Variants in MTA3 observed in about 807,000 individuals in gnomAD.
MTA3 encodes the protein metastasis-associated protein MTA3.
Under a neutral mutation model 83.5 loss-of-function variants are expected in MTA3, and 34 were observed. The ratio of observed to expected loss-of-function variants is 0.41; its 90% confidence interval spans 0.31 to 0.54. MTA3 has a LOEUF of 0.54. Ranked by LOEUF, MTA3 falls within the 20% of genes least tolerant of loss-of-function variation. MTA3 has a pLI of 0.33. For synonymous variants in MTA3, 303 were observed against 252.7 expected (o/e 1.20, Z -1.89); for missense variants, 761 against 726.4 (o/e 1.05, Z -0.55).
chr2:42,515,211 A>G (rs1675088511), intron 2 of MTA3, among the ~76,000 whole-genome samples: 1 of 151,906 alleles, frequency 6.6e-6, no homozygotes, highest in African/African-American at 2.4e-5. Context: ...GGTGCCCACC[A>G]CCACACCTGG....
chr2:42,578,091 T>G (rs540869448), intron 2 of MTA3, among the ~76,000 whole-genome samples: 25 of 152,348 alleles, frequency 1.6e-4, no homozygotes, highest in African/African-American at 5.8e-4. Flanking sequence ...GCTGCTGGAC[T>G]TCATAAAATT....
At chr2:42,669,002 T>A (rs116171619) in intron 8 of MTA3, among the ~76,000 whole-genome samples, 2,203 of 152,180 alleles carry the variant, frequency 0.014, 57 homozygotes, top group African/African-American at 0.049. Flanking sequence ...TCATTCTGTT[T>A]GTTTGTGAGT....
chr2:42,683,164 C>G (rs1207056355), intron 9 of MTA3, among the ~76,000 whole-genome samples: 1 of 152,226 alleles, frequency 6.6e-6, no homozygotes, highest in Non-Finnish European at 1.5e-5. Context: ...CTATTTACTT[C>G]TCTCTGAGTT....
At chr2:42,589,554 T>C (rs529634155) in intron 3 of MTA3, among the ~76,000 whole-genome samples, 24 of 152,254 alleles carry the variant, frequency 1.6e-4, no homozygotes, top group African/African-American at 5.8e-4. Context: ...CACCTCTTTT[T>C]GGATTTTTGT....
intron 2 of MTA3, among the ~76,000 whole-genome samples, chr2:42,522,006 G>A (rs1315444388): frequency 6.6e-6 from 1 of 151,950 alleles, no homozygotes; most frequent in Non-Finnish European, 1.5e-5. Flanking sequence ...CACCTGCCTC[G>A]GCCTCCCAAA....
rs570360868 is a variant in MTA3, at chr2:42,609,017, CAAGAT to C, written c.191-438_191-434del. ...AATTTTATGGTTATAGTTGAACTGA[CAAGAT>C]AAATGTTTAATTTTTTTTTTTTTTT... On this transcript the variant is annotated intron_variant, in intron 3 of 16. Transcript: ENST00000405094. Among the ~76,000 whole-genome samples the C allele has an allele frequency of 1.6e-4, 23 of 148,268 alleles. No individual in the cohort carries two copies. The South Asian group carries it at 5.0e-3, about 32-fold the overall frequency.
intron 4 of MTA3, among the ~76,000 whole-genome samples, chr2:42,619,895 C>T (rs187150487): frequency 6.3e-4 from 96 of 152,160 alleles, no homozygotes; most frequent in Admixed American, 1.2e-3. Flanking sequence ...TGTTCTAGAA[C>T]GCTGTGCATT....
intron 2 of MTA3, among the ~76,000 whole-genome samples, chr2:42,515,447 T>C (rs956163872): frequency 2.6e-5 from 4 of 152,146 alleles, no homozygotes; most frequent in Non-Finnish European, 5.9e-5. Context: ...ACTTCCCGAG[T>C]AGCTGAGATT....
chr2:42,722,643 G>GT (rs796759407), intron 15 of MTA3, among the ~76,000 whole-genome samples: 33 of 151,940 alleles, frequency 2.2e-4, no homozygotes, highest in African/African-American at 8.0e-4. Flanking sequence ...TTTTTGTTTT[G>GT]TTTTTGCTTG....
chr2:42,743,827 C>G (rs1378606635), intron 16 of MTA3, among the ~76,000 whole-genome samples: 3 of 152,106 alleles, frequency 2.0e-5, no homozygotes, highest in African/African-American at 7.2e-5. Context: ...TGCATCTGCT[C>G]TCTTCACGAA....
chr2:42,507,686 C>T (rs1236366108), intron 2 of MTA3, among the ~76,000 whole-genome samples: 5 of 150,960 alleles, frequency 3.3e-5, no homozygotes, highest in African/African-American at 1.2e-4. Context: ...CCCAACACTT[C>T]GGGAGACTGA....
At chr2:42,737,910 A>G (rs543378367) in intron 16 of MTA3, among the ~76,000 whole-genome samples, 8 of 152,350 alleles carry the variant, frequency 5.3e-5, no homozygotes, top group South Asian at 4.1e-4. Context: ...CACCACTGCA[A>G]TAAAGCTAAT....
In MTA3 at chr2:42,644,258, C is replaced by T. The variant is rs147745945; in HGVS notation, c.499+14C>T. ...TGCTGTTAGAAGGTACGTTTTTCTG[C>T]GTGTTTGCAGTTTTGTGAAACAAAT... On this transcript the variant is annotated intron_variant, in intron 6 of 16. Transcript: ENST00000405094. The T allele has an allele frequency of 2.8e-4, 430 of 1,553,358 alleles. 1 individual carries two copies. The African/African-American group carries it at 3.9e-3, about 14-fold the overall frequency.
intron 4 of MTA3, among the ~76,000 whole-genome samples, chr2:42,611,159 T>G (rs1240723042): frequency 6.6e-6 from 1 of 151,610 alleles, no homozygotes; most frequent in East Asian, 1.9e-4. Flanking sequence ...TTTTTTGTAT[T>G]TTTTTAGTAG....
At chr2:42,628,598 A>G (rs946055788) in intron 4 of MTA3, among the ~76,000 whole-genome samples, 1 of 152,218 alleles carries the variant, frequency 6.6e-6, no homozygotes, top group African/African-American at 2.4e-5. Flanking sequence ...CTGTCATTTA[A>G]TTCATTATTC....
At chr2:42,659,235 A>C (rs1689452137) in intron 7 of MTA3, among the ~76,000 whole-genome samples, 2 of 152,248 alleles carry the variant, frequency 1.3e-5, no homozygotes, top group Admixed American at 1.3e-4. Context: ...AGGACTTCCA[A>C]ATCATTAAAA....
chr2:42,525,551 C>T (rs13012890), intron 2 of MTA3, among the ~76,000 whole-genome samples: 2 of 138,960 alleles, frequency 1.4e-5, no homozygotes, highest in African/African-American at 2.7e-5. Flanking sequence ...TTCATTCCTT[C>T]CCCTTACTTC....
In MTA3 at chr2:42,576,658, C is replaced by T. The variant is rs184131379; in HGVS notation, c.97-2449C>T. On this transcript the variant is annotated intron_variant, in intron 2 of 16. Transcript: ENST00000405094. ...GCTCACGCCTGTAATCCCAGGACTT[C>T]GGGAGGCCGAGGTGGGTGGATCACC... Among the ~76,000 whole-genome samples the T allele has an allele frequency of 1.1e-4, 17 of 152,118 alleles. No individual in the cohort carries two copies. In the East Asian group the frequency reaches 1.4e-3, roughly 12 times the overall value.
chr2:42,754,303 C>T lies in MTA3; in HGVS notation c.*904C>T. The T allele has an allele frequency of 3.0e-6, 3 of 985,480 alleles. No individual in the cohort carries two copies. Among genetic ancestry groups the T allele is most frequent in the Non-Finnish European group, 3.6e-6 (3 of 829,962 alleles). The allele number at this position is 985,480 out of a possible 1,614,324, so 61.0% of individuals were successfully genotyped here. A position where few individuals can be genotyped will look rare whatever the true frequency, so the allele number is the denominator to read the frequency against. ...TAGTTTCATTTTAAGCAGACAGACT[C>T]TGTTTGGCCTAGAGGTGTGGAGTGA... On this transcript the variant is annotated 3_prime_UTR_variant, in exon 17 of 17. Transcript: ENST00000405094.
Sources: gnomAD v4.1 joint callset for allele counts (sites outside exome capture counted in the v4.1 genomes callset) on GRCh38, gnomAD v4.1.1 for gene constraint, MANE v1.5 for transcripts, NCBI Gene and HGNC (gene_info 2026-07-23, HGNC 2026-07-21) for gene names.